ZIC4: variants seen among roughly 807,000 people sequenced by gnomAD.
The protein encoded by ZIC4 is Zic family zinc finger 4.
ZIC4 carries 15 observed loss-of-function variants against 28.8 expected under a neutral mutation model. That is an observed-to-expected ratio of 0.52 (90% confidence interval 0.35 to 0.80). ZIC4 has a LOEUF of 0.80. Ranked by LOEUF, ZIC4 falls within the 30% of genes least tolerant of loss-of-function variation. The probability of loss-of-function intolerance (pLI) is 0.01; values close to 1 mark genes in which losing one functional copy is unlikely to be tolerated. For missense variants in ZIC4, 512 were observed against 467.1 expected, an observed-to-expected ratio of 1.10 and a Z score of -0.89; for synonymous variants, 220 against 198.1, an observed-to-expected ratio of 1.11 and a Z score of -0.93.
chr3:147,389,601 C>G (rs558443596), intron 4 of ZIC4, among the ~76,000 whole-genome samples: 1 of 152,080 alleles, frequency 6.6e-6, no homozygotes, highest in Non-Finnish European at 1.5e-5. Context: ...GGAAAAAGGA[C>G]CTGATTTTTT....
chr3:147,398,225 A>G (rs756000313), intron 2 of ZIC4, among the ~76,000 whole-genome samples: 3 of 152,228 alleles, frequency 2.0e-5, no homozygotes, highest in Non-Finnish European at 4.4e-5. Context: ...CCGCAGTCGT[A>G]CGGAGCCTCT....
At chr3:147,398,099 C>T (rs2087087545) in intron 2 of ZIC4, among the ~76,000 whole-genome samples, 1 of 152,298 alleles carries the variant, frequency 6.6e-6, no homozygotes, top group African/African-American at 2.4e-5. Flanking sequence ...CCACAAGTCA[C>T]ACCCACCCGC....
chr3:147,396,628 G>T lies in ZIC4; in HGVS notation c.71-159C>A. The stretch of plus-strand genomic sequence containing the variant: ...GCGCCAGCAGTGAACCCGGTGGACA[G>T]AGCAAGGCCAAACACCTCCGCCGCC... On this transcript the variant is annotated intron_variant, in intron 2 of 4. Transcript: ENST00000383075. This position sits in a 1 kb window ranked among gnomAD's most constrained non-coding sequence, Gnocchi z 4.2. 1.1e-6 allele frequency: 1 copy of T among 940,010 alleles called. No individual in the cohort carries two copies. Among genetic ancestry groups the T allele is most frequent in the Non-Finnish European group, 1.5e-6 (1 of 679,858 alleles). The allele number at this position is 940,010 out of a possible 1,614,324, so 58.2% of individuals were successfully genotyped here.
At position 147,386,834 on chromosome 3, in the gene ZIC4, TCTC is replaced by T. The variant is rs1411226024; in HGVS notation, c.*2022_*2024del. On this transcript the variant is annotated 3_prime_UTR_variant, in exon 5 of 5. Transcript: ENST00000383075. ...TAAAATATCTCTCTCCTTCAGCTAT[TCTC>T]CTTCTTATTAACGGCAGAAAGGGCT... 1.3e-5 allele frequency: 2 copies of T among 152,248 alleles called. No homozygotes were observed. The highest frequency in any genetic ancestry group is 2.4e-5 in the African/African-American group (1 of 41,464). 9.4% of individuals were successfully genotyped at this position (152,248 alleles called of 1,614,324 possible).
intron 4 of ZIC4, among the ~76,000 whole-genome samples, chr3:147,389,935 C>T (rs996386371): frequency 6.6e-6 from 1 of 152,136 alleles, no homozygotes; most frequent in Non-Finnish European, 1.5e-5. Flanking sequence ...CACCCGGAGC[C>T]CAAGCACCTA....
intron 3 of ZIC4, chr3:147,394,079 T>C (rs1232284762): frequency 1.4e-5 from 6 of 417,990 alleles, no homozygotes; most frequent in Non-Finnish European, 2.9e-5. Context: ...GAATAATTTG[T>C]AGTGAGGTCT....
intron 2 of ZIC4, among the ~76,000 whole-genome samples, chr3:147,399,319 GT>G: frequency 6.6e-6 from 1 of 152,204 alleles, no homozygotes; most frequent in African/African-American, 2.4e-5. Context: ...CCAGTGAAAG[GT>G]TTACACATCT....
intron 4 of ZIC4, among the ~76,000 whole-genome samples, chr3:147,390,329 G>C (rs892769007): frequency 6.8e-6 from 1 of 146,156 alleles, no homozygotes; most frequent in Admixed American, 6.9e-5. Context: ...CTGGAGTCAA[G>C]AAAACGGCTC....
chr3:147,398,533 C>A (rs1180628615), intron 2 of ZIC4, among the ~76,000 whole-genome samples: 1 of 151,902 alleles, frequency 6.6e-6, no homozygotes, highest in Non-Finnish European at 1.5e-5. Flanking sequence ...GCTTTGGGGG[C>A]GAGCGGTAGT....
At chr3:147,392,249 C>T in intron 3 of ZIC4, 1 of 985,828 alleles carries the variant, frequency 1.0e-6, no homozygotes, top group Non-Finnish European at 1.2e-6. Context: ...AAGAAAACAG[C>T]TGCTGCTGTC....
intron 2 of ZIC4, among the ~76,000 whole-genome samples, chr3:147,398,300 C>T (rs1425265656): frequency 6.6e-6 from 1 of 152,196 alleles, no homozygotes; most frequent in Non-Finnish European, 1.5e-5. Flanking sequence ...GCGGTCCAAG[C>T]CTTCTCTGCT....
intron 4 of ZIC4, among the ~76,000 whole-genome samples, chr3:147,389,842 C>A (rs1243237576): frequency 6.6e-6 from 1 of 152,106 alleles, no homozygotes; most frequent in African/African-American, 2.4e-5. Context: ...ACCGAATTGA[C>A]GCAATTCACC....
rs1469108241 is a variant in ZIC4 at position 147,386,732 on chromosome 3, G to A, written c.*2127C>T. ...TGAAGGGAAGGATGGGCATTTACAT[G>A]CATTTTCGATCACTGTGTTGTAGAC... On this transcript the variant is annotated 3_prime_UTR_variant, in exon 5 of 5. Coordinates refer to ENST00000383075, the MANE Select transcript of ZIC4 (RefSeq NM_032153.6). The A allele has an allele frequency of 1.3e-5, 2 of 152,236 alleles. No individual in the cohort carries two copies. Among genetic ancestry groups the A allele is most frequent in the African/African-American group, 2.4e-5 (1 of 41,462 alleles). 9.4% of individuals were successfully genotyped at this position (152,236 alleles called of 1,614,324 possible). A position where few individuals can be genotyped will look rare whatever the true frequency, so the allele number is the denominator to read the frequency against.
rs546443377 is a variant in ZIC4, at chr3:147,387,323, G to A, written c.*1536C>T. On this transcript the variant is annotated 3_prime_UTR_variant, in exon 5 of 5. Coordinates refer to ENST00000383075, the MANE Select transcript of ZIC4 (RefSeq NM_032153.6). ...GTTTGATTTTTATCTCTTTAGAAAC[G>A]GTTTGAAACTAACGGGGCAGAGGGA... 1 of 152,692 alleles carries A rather than the reference G, an allele frequency of 6.5e-6. No individual in the cohort carries two copies. The highest frequency in any genetic ancestry group is 2.1e-4 in the South Asian group (1 of 4,822). The allele number at this position is 152,692 out of a possible 1,614,324, so 9.5% of individuals were successfully genotyped here. A position where few individuals can be genotyped will look rare whatever the true frequency, so the allele number is the denominator to read the frequency against.
In ZIC4 at chr3:147,395,989, G is replaced by A; in HGVS notation, c.551C>T (p.Pro184Leu). 6.2e-7 allele frequency: 1 copy of A among 1,614,234 alleles called. No individual in the cohort carries two copies. Among genetic ancestry groups the A allele is most frequent in the Non-Finnish European group, 8.5e-7 (1 of 1,180,048 alleles). The change falls in exon 3 of 5, where the codon CCC becomes CTC. Residue 184 changes from proline to leucine, a missense_variant. Pro to Leu is a moderately conservative substitution (Grantham distance 98). This residue lies in a region of ZIC4 where 310 missense variants were observed against 256.5 expected (regional missense o/e 1.21). Transcript: ENST00000383075. The stretch of plus-strand genomic sequence containing the variant: ...TACAAGTTTGTATTTGGCTTTGAAG[G>A]GCTTTCCCTGGCGCGGACACTCCTC... Reference protein sequence around the residue: ...FWEECPRQGKPFKAKYKLVNH... With the variant: ...FWEECPRQGKLFKAKYKLVNH...
intron 3 of ZIC4, chr3:147,394,092 T>G: frequency 2.6e-6 from 1 of 391,874 alleles, no homozygotes; most frequent in South Asian, 1.9e-5. Flanking sequence ...TGAGGTCTAT[T>G]GCCATTTGAG....
intron 4 of ZIC4, 137 bp downstream of exon 4, chr3:147,390,794 T>C: frequency 8.7e-7 from 1 of 1,153,236 alleles, no homozygotes; most frequent in Non-Finnish European, 1.2e-6. Flanking sequence ...CTGCATTCGG[T>C]GTGTGCGGAA....
intron 3 of ZIC4, chr3:147,393,835 C>A (rs1270347663): frequency 2.2e-6 from 1 of 454,986 alleles, no homozygotes; most frequent in Non-Finnish European, 4.4e-6. Context: ...CGGTTGCTGG[C>A]CCGCGCCTCC....
In ZIC4 at chr3:147,391,984, A is replaced by T. The variant is rs1385176572; in HGVS notation, c.689-738T>A. The T allele has an allele frequency of 4.1e-6, 4 of 985,282 alleles. No individual in the cohort carries two copies. In the African/African-American group the frequency reaches 5.2e-5, roughly 13 times the overall value. 61.0% of individuals were successfully genotyped at this position (985,282 alleles called of 1,614,324 possible). A position where few individuals can be genotyped will look rare whatever the true frequency, so the allele number is the denominator to read the frequency against. ...TCAAATCTTGCCTAAACCTTCCGGG[A>T]TCCCTCCAGATACGCTCGCCAGTAA... On this transcript the variant is annotated intron_variant, in intron 3 of 4. Transcript: ENST00000383075.
Sources: gnomAD v4.1 joint callset for allele counts (sites outside exome capture counted in the v4.1 genomes callset) on GRCh38, gnomAD v4.1.1 for gene constraint, gnomAD v4.1.1 regional missense constraint, Gnocchi (gnomAD v3.1) non-coding constraint, MANE v1.5 for transcripts, NCBI Gene and HGNC (gene_info 2026-07-23, HGNC 2026-07-21) for gene names.